SCRG1: variants seen among roughly 807,000 people sequenced by gnomAD.
SCRG1 encodes the protein stimulator of chondrogenesis 1, also known as scrapie-responsive protein 1.
A neutral mutation model predicts 7.7 loss-of-function variants in SCRG1; 3 were observed. The ratio of observed to expected loss-of-function variants is 0.39; its 90% CI spans 0.18 to 1.01. The LOEUF is 1.01. Among genes scored for constraint, SCRG1 ranks in the 50% least tolerant of loss-of-function variants. The probability of loss-of-function intolerance (pLI) is 0.36; values close to 1 mark genes in which losing one functional copy is unlikely to be tolerated. For synonymous variants in SCRG1, 46 were observed against 41.2 expected (o/e 1.12, Z -0.44); for missense variants, 110 against 117.2 (o/e 0.94, Z 0.28).
the SCRG1 span, among the ~76,000 whole-genome samples, chr4:173,504,661 G>A: frequency 2.6e-4 from 40 of 152,252 alleles, no homozygotes; most frequent in Admixed American, 1.4e-3. This position sits in a 1 kb window ranked among gnomAD's most constrained non-coding sequence, Gnocchi z 4.7. Context: ...TTTAATTTTT[G>A]TCTTGAATTT....
chr4:173,412,574 A>G, the SCRG1 span, among the ~76,000 whole-genome samples: 2 of 152,146 alleles, frequency 1.3e-5, no homozygotes, highest in Non-Finnish European at 2.9e-5. Flanking sequence ...TGAGTGGCCC[A>G]TGGTCACCAG....
chr4:173,420,363 T>G, the SCRG1 span, among the ~76,000 whole-genome samples: 1 of 152,260 alleles, frequency 6.6e-6, no homozygotes, highest in African/African-American at 2.4e-5. Flanking sequence ...AAGGGTCTTG[T>G]GTGTTTTGTT....
chr4:173,434,725 G>A, the SCRG1 span, among the ~76,000 whole-genome samples: 1,807 of 152,240 alleles, frequency 0.012, 44 homozygotes, highest in African/African-American at 0.041. Context: ...CAGCTACTTG[G>A]GGGGCTGAGG....
chr4:173,508,682 G>T, the SCRG1 span, among the ~76,000 whole-genome samples: 26 of 152,142 alleles, frequency 1.7e-4, no homozygotes, highest in Non-Finnish European at 2.4e-4. The surrounding 1 kb of genome is among the most constrained non-coding windows in gnomAD (Gnocchi z 4.4). Flanking sequence ...GTGCAGGGGA[G>T]AATTACATTT....
the SCRG1 span, among the ~76,000 whole-genome samples, chr4:173,460,628 A>T: frequency 6.6e-6 from 1 of 152,168 alleles, no homozygotes. Flanking sequence ...ATCACCTGCT[A>T]ACTGAAGAGC....
chr4:173,412,058 A>G, the SCRG1 span, among the ~76,000 whole-genome samples: 4 of 152,124 alleles, frequency 2.6e-5, no homozygotes, highest in Admixed American at 2.0e-4. Context: ...ACCCCTCCTG[A>G]GCAGCAAGTA....
chr4:173,517,753 A>C, the SCRG1 span, among the ~76,000 whole-genome samples: 1 of 152,232 alleles, frequency 6.6e-6, no homozygotes, highest in Non-Finnish European at 1.5e-5. Flanking sequence ...ATTGGACTGG[A>C]GGTCTTCTTT....
the SCRG1 span, among the ~76,000 whole-genome samples, chr4:173,464,565 AAAC>A: frequency 9.8e-5 from 15 of 152,318 alleles, no homozygotes; most frequent in South Asian, 1.2e-3. Context: ...GGTTCTTATA[AAAC>A]AACAACAACT....
chr4:173,519,128 G>T, the SCRG1 span, among the ~76,000 whole-genome samples: 1 of 133,644 alleles, frequency 7.5e-6, no homozygotes, highest in Non-Finnish European at 1.6e-5. Context: ...TAAATGCAGA[G>T]AAAAAATAGA....
At chr4:173,400,339 T>C (rs1739730108), upstream of SCRG1, among the ~76,000 whole-genome samples, 1 of 152,116 alleles carries the variant, frequency 6.6e-6, no homozygotes, top group African/African-American at 2.4e-5. Flanking sequence ...AGAAAAAGGA[T>C]ATAAAAGGAA....
upstream of SCRG1, among the ~76,000 whole-genome samples, chr4:173,399,703 A>G (rs1739712165): frequency 1.6e-5 from 1 of 61,872 alleles, no homozygotes; most frequent in African/African-American, 4.4e-5. Flanking sequence ...AAAGAAATGT[A>G]TTCTGTGCCT....
At chr4:173,411,203 A>G (rs558239649), upstream of SCRG1, among the ~76,000 whole-genome samples, 1 of 152,328 alleles carries the variant, frequency 6.6e-6, no homozygotes, top group Admixed American at 6.5e-5. Flanking sequence ...TTAAGTACTC[A>G]ATAACTATTT....
chr4:173,515,581 T>C, the SCRG1 span, among the ~76,000 whole-genome samples: 1 of 128,220 alleles, frequency 7.8e-6, no homozygotes, highest in African/African-American at 2.7e-5. The surrounding 1 kb of genome is among the most constrained non-coding windows in gnomAD (Gnocchi z 4.6). Flanking sequence ...GGTGTGTGTG[T>C]GTGTCTGTGT....
At chr4:173,388,989 C>A (rs1739331928) in intron 2 of SCRG1, among the ~76,000 whole-genome samples, 1 of 152,028 alleles carries the variant, frequency 6.6e-6, no homozygotes, top group Non-Finnish European at 1.5e-5. Context: ...TGTTCTCATC[C>A]CTTAACAGAC....
intron 1 of SCRG1, among the ~76,000 whole-genome samples, chr4:173,396,711 T>TG: frequency 7.3e-6 from 1 of 136,160 alleles, no homozygotes; most frequent in East Asian, 2.2e-4. Context: ...TACTGGTAGT[T>TG]TTGTGTGTGT....
the SCRG1 span, among the ~76,000 whole-genome samples, chr4:173,451,908 G>A: frequency 2.0e-5 from 3 of 152,110 alleles, no homozygotes; most frequent in African/African-American, 4.8e-5. Context: ...AGGTCAGAAG[G>A]AAATAGTCTC....
chr4:173,484,079 T>G, the SCRG1 span, among the ~76,000 whole-genome samples: 7 of 88,048 alleles, frequency 8.0e-5, no homozygotes, highest in Admixed American at 2.0e-4. Context: ...ATACATGATA[T>G]AATATATAAT....
At chr4:173,448,354 A>G in the SCRG1 span, among the ~76,000 whole-genome samples, 1 of 152,210 alleles carries the variant, frequency 6.6e-6, no homozygotes, top group Admixed American at 6.5e-5. Flanking sequence ...CACTGCAGAG[A>G]GACAGTGCTC....
At chr4:173,450,393 A>G in the SCRG1 span, among the ~76,000 whole-genome samples, 1 of 152,152 alleles carries the variant, frequency 6.6e-6, no homozygotes, top group African/African-American at 2.4e-5. Flanking sequence ...AGTCCCCAAA[A>G]GCTCATCTCT....
Sources: gnomAD v4.1 joint callset for allele counts (sites outside exome capture counted in the v4.1 genomes callset) on GRCh38, gnomAD v4.1.1 for gene constraint, Gnocchi (gnomAD v3.1) non-coding constraint, MANE v1.5 for transcripts, NCBI Gene and HGNC (gene_info 2026-07-23, HGNC 2026-07-21) for gene names.